Variants in EYS observed in about 807,000 individuals in gnomAD.
EYS encodes the protein EGF-like photoreceptor maintenance factor.
A neutral mutation model predicts 282.1 loss-of-function variants in EYS; 250 were observed. The observed-to-expected ratio is 0.89, with a 90% CI of 0.80 to 0.98. EYS has a LOEUF of 0.98. EYS is among the 50% of genes least tolerant of loss of function. The pLI, the probability that EYS is intolerant of heterozygous loss-of-function variation, is 0.00. For synonymous variants in EYS, 1,355 were observed against 1,282.9 expected (o/e 1.06, Z -1.20); for missense variants, 4,016 against 3,709.0 (o/e 1.08, Z -2.15).
intron 19 of EYS, among the ~76,000 whole-genome samples, chr6:64,855,556 A>G (rs1766032284): frequency 6.6e-6 from 1 of 152,114 alleles, no homozygotes; most frequent in African/African-American, 2.4e-5. Flanking sequence ...TCCCCTATAC[A>G]TATTTTCTCC....
At chr6:64,345,323 A>C (rs997229866) in intron 29 of EYS, among the ~76,000 whole-genome samples, 2 of 152,170 alleles carry the variant, frequency 1.3e-5, no homozygotes, top group African/African-American at 4.8e-5. Context: ...ACAGTAACCA[A>C]AACAGCATGG....
chr6:64,045,148 G>C (rs992109508), intron 33 of EYS, among the ~76,000 whole-genome samples: 2 of 152,008 alleles, frequency 1.3e-5, no homozygotes, highest in Non-Finnish European at 2.9e-5. Flanking sequence ...AGAGTGAGTC[G>C]TCTCCATGAC....
At chr6:64,138,112 C>T (rs1231457598) in intron 31 of EYS, among the ~76,000 whole-genome samples, 1 of 152,086 alleles carries the variant, frequency 6.6e-6, no homozygotes, top group Non-Finnish European at 1.5e-5. Flanking sequence ...TTGGATTGAC[C>T]ATTCCTAAAC....
At chr6:65,054,518 G>A (rs1583439231) in intron 13 of EYS, among the ~76,000 whole-genome samples, 2 of 152,084 alleles carry the variant, frequency 1.3e-5, no homozygotes, top group Admixed American at 6.6e-5. Context: ...AATTAAGCCT[G>A]TGCCTAGTAG....
chr6:64,354,311 G>T (rs1313707358), intron 29 of EYS, among the ~76,000 whole-genome samples: 1 of 151,468 alleles, frequency 6.6e-6, no homozygotes, highest in African/African-American at 2.4e-5. Flanking sequence ...GATTATTTCT[G>T]CAAAGCCAAA....
chr6:63,840,322 C>T (rs2149696994), intron 36 of EYS, among the ~76,000 whole-genome samples: 1 of 151,988 alleles, frequency 6.6e-6, no homozygotes, highest in East Asian at 1.9e-4. Context: ...CCTCGGCCTC[C>T]CAAAGTGCTG....
chr6:64,214,352 A>G (rs1765867027), intron 31 of EYS, among the ~76,000 whole-genome samples: 1 of 152,140 alleles, frequency 6.6e-6, no homozygotes, highest in Non-Finnish European at 1.5e-5. Flanking sequence ...TCCACAACAG[A>G]TATGACTTTT....
At chr6:64,107,793 T>C (rs1416118347) in intron 31 of EYS, among the ~76,000 whole-genome samples, 1 of 152,054 alleles carries the variant, frequency 6.6e-6, no homozygotes, top group East Asian at 1.9e-4. Flanking sequence ...TTTAGTAATG[T>C]AGTGGTAAGG....
chr6:65,702,062 A>G (rs1027430675), intron 1 of EYS, among the ~76,000 whole-genome samples: 1 of 152,194 alleles, frequency 6.6e-6, no homozygotes. Context: ...ACAAATCGTC[A>G]CCACCACAGG....
intron 5 of EYS, among the ~76,000 whole-genome samples, chr6:65,428,016 G>A (rs574197309): frequency 1.7e-4 from 26 of 151,806 alleles, no homozygotes; most frequent in African/African-American, 2.4e-4. Flanking sequence ...ATATTAACAC[G>A]TTATACATAA....
intron 5 of EYS, among the ~76,000 whole-genome samples, chr6:65,472,479 G>T (rs1031434438): frequency 6.6e-6 from 1 of 152,138 alleles, no homozygotes; most frequent in African/African-American, 2.4e-5. Context: ...TTTAATGTAA[G>T]CAGTTACAAA....
At chr6:64,182,902 C>T (rs1764829364) in intron 31 of EYS, among the ~76,000 whole-genome samples, 1 of 152,042 alleles carries the variant, frequency 6.6e-6, no homozygotes, top group Non-Finnish European at 1.5e-5. Flanking sequence ...ATCTTTTGGG[C>T]CTTGGCTGAC....
At chr6:65,688,216 T>C in intron 1 of EYS, among the ~76,000 whole-genome samples, 1 of 152,148 alleles carries the variant, frequency 6.6e-6, no homozygotes, top group Non-Finnish European at 1.5e-5. Flanking sequence ...AACAGCATGG[T>C]ACTGGTACCA....
chr6:64,659,620 A>G (rs1404902741), intron 22 of EYS, among the ~76,000 whole-genome samples: 1 of 152,208 alleles, frequency 6.6e-6, no homozygotes, highest in Non-Finnish European at 1.5e-5. Context: ...CTAAGCAAAT[A>G]AACTAGAAAA....
At chr6:64,579,596 T>G (rs1250087818) in intron 26 of EYS, among the ~76,000 whole-genome samples, 1 of 152,066 alleles carries the variant, frequency 6.6e-6, no homozygotes, top group East Asian at 1.9e-4. Context: ...GTCAAACCAT[T>G]TCCTCCTTAT....
intron 6 of EYS, among the ~76,000 whole-genome samples, chr6:65,403,698 TTAAA>T (rs1473537505): frequency 1.1e-4 from 16 of 151,732 alleles, no homozygotes; most frequent in East Asian, 5.8e-4. Context: ...AATGAGAATA[TTAAA>T]TAGAGAATAT....
In EYS at chr6:63,721,700, A is replaced by C; in HGVS notation, c.8331T>G (p.Thr2777=). ...TTATATGCCAAGTACTTCCGTTTAT[A>C]GTTACTTTTTGGAGAGTTTCTAGAA... The part of the protein sequence containing the change: ...TIILETLQKV[T]INGSTWHIIK... The change falls in exon 43 of 43, where the codon ACT becomes ACG. Residue 2777 remains threonine, a synonymous_variant. Transcript: ENST00000503581. 6.4e-7 allele frequency: 1 copy of C among 1,551,408 alleles called. No individual in the cohort carries two copies. Among genetic ancestry groups the C allele is most frequent in the Admixed American group, 2.0e-5 (1 of 50,974 alleles).
intron 2 of EYS, among the ~76,000 whole-genome samples, chr6:65,590,384 G>T (rs1765190186): frequency 6.6e-6 from 1 of 151,910 alleles, no homozygotes; most frequent in Non-Finnish European, 1.5e-5. Context: ...ATATTTATGG[G>T]ATACAGTGTG....
At chr6:64,219,519 C>T (rs1342407401) in intron 31 of EYS, among the ~76,000 whole-genome samples, 1 of 152,146 alleles carries the variant, frequency 6.6e-6, no homozygotes, top group African/African-American at 2.4e-5. Flanking sequence ...TTTATAGCAG[C>T]ATGATTTATA....
Sources: gnomAD v4.1 joint callset for allele counts (sites outside exome capture counted in the v4.1 genomes callset) on GRCh38, gnomAD v4.1.1 for gene constraint, MANE v1.5 for transcripts, NCBI Gene and HGNC (gene_info 2026-07-23, HGNC 2026-07-21) for gene names.